LUC7L2: variants seen among roughly 807,000 people sequenced by gnomAD.
LUC7L2 encodes the protein LUC7 like 2, pre-mRNA splicing factor.
In LUC7L2, 25 loss-of-function variants were observed where a neutral mutation model predicts 52.8. The ratio of observed to expected loss-of-function variants is 0.47; its 90% CI spans 0.34 to 0.66. The LOEUF is 0.66. Among genes scored for constraint, LUC7L2 ranks in the 30% least tolerant of loss-of-function variants. The pLI, the probability that LUC7L2 is intolerant of heterozygous loss-of-function variation, is 0.01. For missense variants in LUC7L2, 328 were observed against 497.8 expected, an observed-to-expected ratio of 0.66 and a Z score of 3.25; for synonymous variants, 144 against 160.9, an observed-to-expected ratio of 0.89 and a Z score of 0.80.
At chr7:139,385,311 CTT>C (rs58744665) in intron 2 of LUC7L2, among the ~76,000 whole-genome samples, 32 of 118,578 alleles carry the variant, frequency 2.7e-4, no homozygotes, top group African/African-American at 4.3e-4. Context: ...GTTAGGATTA[CTT>C]TTTTTTTTTT....
intron 1 of LUC7L2, among the ~76,000 whole-genome samples, chr7:139,364,110 G>A (rs367638217): frequency 2.0e-5 from 3 of 149,424 alleles, no homozygotes; most frequent in African/African-American, 7.4e-5. Context: ...TCAGCCTCCC[G>A]AGTAGCTGGG....
At chr7:139,344,532 T>C (rs977333022) in intron 1 of LUC7L2, among the ~76,000 whole-genome samples, 2 of 152,132 alleles carry the variant, frequency 1.3e-5, no homozygotes, top group Non-Finnish European at 1.5e-5. Flanking sequence ...GTATTTTTTA[T>C]CACAAGTTGA....
At chr7:139,407,961 G>A (rs1293414693) in intron 6 of LUC7L2, among the ~76,000 whole-genome samples, 1 of 152,204 alleles carries the variant, frequency 6.6e-6, no homozygotes, top group Non-Finnish European at 1.5e-5. Context: ...GTAAAGATGA[G>A]TGTTGGTGGA....
intron 1 of LUC7L2, chr7:139,341,600 G>A: frequency 1.9e-6 from 3 of 1,552,970 alleles, no homozygotes; most frequent in South Asian, 1.2e-5. Context: ...TGGGGAGCAC[G>A]GTGTTTAATT....
chr7:139,376,497 T>G (rs1184404825), intron 2 of LUC7L2, among the ~76,000 whole-genome samples: 1 of 152,220 alleles, frequency 6.6e-6, no homozygotes, highest in Non-Finnish European at 1.5e-5. Context: ...AGAGTAGACT[T>G]TTATCTAGTA....
intron 1 of LUC7L2, among the ~76,000 whole-genome samples, chr7:139,369,662 T>C (rs550006336): frequency 1.1e-4 from 17 of 152,154 alleles, no homozygotes; most frequent in East Asian, 3.8e-4. Flanking sequence ...TCTTGTGATA[T>C]GGATTTTCAC....
intron 8 of LUC7L2, chr7:139,416,322 A>G (rs1795615210): frequency 6.6e-6 from 1 of 151,674 alleles, no homozygotes; most frequent in African/African-American, 2.4e-5. Context: ...GGAGGCTATA[A>G]AAGTGTCTTA....
chr7:139,364,083 C>T (rs959221106), intron 1 of LUC7L2, among the ~76,000 whole-genome samples: 4 of 143,132 alleles, frequency 2.8e-5, no homozygotes, highest in Middle Eastern at 3.8e-3. Context: ...CTCCTGGGTT[C>T]GAGTGATTCT....
intron 8 of LUC7L2, among the ~76,000 whole-genome samples, chr7:139,414,700 T>C (rs116371146): frequency 0.014 from 2,200 of 152,300 alleles, 58 homozygotes; most frequent in African/African-American, 0.05. Flanking sequence ...TGCTGAGCTT[T>C]TTCCCACCTC....
intron 9 of LUC7L2, among the ~76,000 whole-genome samples, chr7:139,420,222 A>G (rs1258644674): frequency 6.6e-6 from 1 of 151,304 alleles, no homozygotes; most frequent in Non-Finnish European, 1.5e-5. Context: ...TTTTTTTTTG[A>G]GACGAGAGTC....
chr7:139,347,011 A>G (rs1405878062), intron 1 of LUC7L2, among the ~76,000 whole-genome samples: 1 of 152,202 alleles, frequency 6.6e-6, no homozygotes, highest in African/African-American at 2.4e-5. Flanking sequence ...CTGAACCAAT[A>G]AAATAGTCTC....
At chr7:139,374,949 CAT>C in intron 1 of LUC7L2, 1 of 988,106 alleles carries the variant, frequency 1.0e-6, no homozygotes, top group African/African-American at 1.7e-5. Context: ...CCAGGCATAT[CAT>C]GTGAAATACA....
intron 1 of LUC7L2, chr7:139,374,268 A>G (rs1290519712): frequency 4.5e-6 from 3 of 670,184 alleles, no homozygotes; most frequent in Non-Finnish European, 7.7e-6. Flanking sequence ...AAACACCCTG[A>G]TTTTGTTCAC....
In LUC7L2 at chr7:139,414,032, T is replaced by C. The variant is rs1795483362; in HGVS notation, c.809+1452T>C. On this transcript the variant is annotated intron_variant, in intron 8 of 9. Coordinates refer to ENST00000354926, the MANE Select transcript of LUC7L2 (RefSeq NM_016019.5). Reference sequence around the variant, plus strand: ...TAAAGTATTGCACATAGAACATCTTTAGATATTTGGGCCAGAAATTTAATT... The same window carrying C: ...TAAAGTATTGCACATAGAACATCTTCAGATATTTGGGCCAGAAATTTAATT... 2.0e-5 allele frequency among the ~76,000 whole-genome samples: 3 copies of C among 152,246 alleles called. No individual in the cohort carries two copies. The South Asian group carries it at 6.2e-4, about 32-fold the overall frequency.
rs765255809 is a variant in LUC7L2, at chr7:139,392,312, G to A, written c.157-6287G>A. 14 of 236,940 alleles carry A rather than the reference G, an allele frequency of 5.9e-5. No individual in the cohort carries two copies. The Middle Eastern group carries it at 2.0e-3, about 33-fold the overall frequency. 14.7% of individuals were successfully genotyped at this position (236,940 alleles called of 1,614,324 possible). ...CTGGTCTTCTGGGAGGGATAAGTAAGAAAAATGGACCATTTTTCTAATGAA... is the reference window on the plus strand; with the variant it reads ...CTGGTCTTCTGGGAGGGATAAGTAAAAAAAATGGACCATTTTTCTAATGAA... On this transcript the variant is annotated intron_variant, in intron 2 of 9. Coordinates refer to ENST00000354926, the MANE Select transcript of LUC7L2 (RefSeq NM_016019.5).
chr7:139,369,554 T>G (rs764432345), intron 1 of LUC7L2, among the ~76,000 whole-genome samples: 2 of 152,188 alleles, frequency 1.3e-5, no homozygotes, highest in Non-Finnish European at 2.9e-5. Context: ...AGTATTCCTG[T>G]TCTCACATTT....
chr7:139,358,311 A>G (rs760713625), upstream of LUC7L2, among the ~76,000 whole-genome samples: 27 of 152,210 alleles, frequency 1.8e-4, no homozygotes, highest in Non-Finnish European at 3.5e-4. Flanking sequence ...CCCAGCCGCA[A>G]TATACATTTA....
At chr7:139,363,500 A>G (rs1055181413) in intron 1 of LUC7L2, among the ~76,000 whole-genome samples, 1 of 152,230 alleles carries the variant, frequency 6.6e-6, no homozygotes, top group African/African-American at 2.4e-5. Context: ...GTAATTTGTT[A>G]TATGGGAAAC....
chr7:139,403,494 A>G (rs1343348913), intron 4 of LUC7L2, among the ~76,000 whole-genome samples: 1 of 152,186 alleles, frequency 6.6e-6, no homozygotes, highest in Non-Finnish European at 1.5e-5. Context: ...GTTTGAGAAA[A>G]GGGTTGCTTT....
Sources: allele counts gnomAD v4.1 joint callset (sites outside exome capture counted in the v4.1 genomes callset), GRCh38; gene constraint gnomAD v4.1.1; transcripts MANE v1.5; gene names NCBI Gene and HGNC (gene_info 2026-07-23, HGNC 2026-07-21).